The following DTNA variants were observed in gnomAD, a reference collection of about 807,000 sequenced individuals.
DTNA encodes the protein dystrobrevin alpha.
A neutral mutation model predicts 100.7 loss-of-function variants in DTNA; 43 were observed. The observed-to-expected ratio is 0.43, with a 90% CI of 0.33 to 0.55. The LOEUF (loss-of-function observed/expected upper bound fraction) is 0.55. Ranked by LOEUF, DTNA falls within the 20% of genes least tolerant of loss-of-function variation. The probability of loss-of-function intolerance (pLI) is 0.04; values close to 1 mark genes in which losing one functional copy is unlikely to be tolerated. For synonymous variants in DTNA, 349 were observed against 347.9 expected, an observed-to-expected ratio of 1.00 and a Z score of -0.04; for missense variants, 798 against 953.9, an observed-to-expected ratio of 0.84 and a Z score of 2.15.
chr18:34,872,930 A>G (rs938600835), intron 17 of DTNA, among the ~76,000 whole-genome samples: 1 of 152,212 alleles, frequency 6.6e-6, no homozygotes, highest in African/African-American at 2.4e-5. Context: ...CTGGGGATCA[A>G]TTTTATCTCT....
At chr18:34,827,361 C>T (rs1189656589) in intron 9 of DTNA, among the ~76,000 whole-genome samples, 1 of 152,150 alleles carries the variant, frequency 6.6e-6, no homozygotes, top group Non-Finnish European at 1.5e-5. Context: ...TCAGTATTCA[C>T]ATGGTGTCTG....
intron 17 of DTNA, among the ~76,000 whole-genome samples, chr18:34,869,749 C>T (rs917757782): frequency 3.3e-5 from 5 of 152,182 alleles, no homozygotes; most frequent in East Asian, 1.9e-4. Context: ...AGGCCGTGCA[C>T]GGTGGCTCAC....
intron 1 of DTNA, chr18:34,593,588 A>G (rs1246250498): frequency 6.6e-6 from 1 of 152,198 alleles, no homozygotes; most frequent in Non-Finnish European, 1.5e-5. Context: ...TGGGATGCTT[A>G]ATATTGAATT....
At position 34,785,690 on chromosome 18, in the gene DTNA, A is replaced by G. The variant is rs144543676; in HGVS notation, c.149-8347A>G. On this transcript the variant is annotated intron_variant, in intron 3 of 22. Transcript: ENST00000444659. ...AATCCCATTGTATACCTCTGAATATATACAATTTTTATATGCCAATTGAAT... is the reference window on the plus strand; with the variant it reads ...AATCCCATTGTATACCTCTGAATATGTACAATTTTTATATGCCAATTGAAT... Among the ~76,000 whole-genome samples, 97 of 152,306 alleles carry G rather than the reference A, an allele frequency of 6.4e-4. No homozygotes were observed. The East Asian group carries it at 0.017, about 26-fold the overall frequency.
chr18:34,686,778 T>C (rs755648255), intron 1 of DTNA, among the ~76,000 whole-genome samples: 9 of 151,976 alleles, frequency 5.9e-5, no homozygotes, highest in Non-Finnish European at 8.8e-5. Context: ...TGGGTTTCTG[T>C]TGGTGGTGGT....
At chr18:34,628,345 T>TA (rs2057621343) in intron 1 of DTNA, among the ~76,000 whole-genome samples, 2 of 152,238 alleles carry the variant, frequency 1.3e-5, no homozygotes, top group African/African-American at 4.8e-5. Flanking sequence ...AATTATTTGG[T>TA]AAAGGATTCA....
At chr18:34,801,684 G>T (rs138856611) in intron 4 of DTNA, among the ~76,000 whole-genome samples, 12,432 of 151,564 alleles carry the variant, frequency 0.082, 583 homozygotes, top group African/African-American at 0.13. Context: ...CTAATTTTTT[G>T]TATTTTAGTA....
At chr18:34,563,967 ATG>A (rs35340390) in intron 1 of DTNA, among the ~76,000 whole-genome samples, 15,327 of 150,710 alleles carry the variant, frequency 0.1, 1,126 homozygotes, top group African/African-American at 0.2. Context: ...TTGCTTTCGT[ATG>A]TGTGTGTGTG....
intron 3 of DTNA, among the ~76,000 whole-genome samples, chr18:34,790,567 A>ATTTTTT (rs1212453384): frequency 5.0e-5 from 2 of 39,660 alleles, no homozygotes; most frequent in African/African-American, 9.1e-5. Context: ...ATATATATAT[A>ATTTTTT]TTTTTTTTTT....
chr18:34,880,379 C>G (rs2096860695), intron 20 of DTNA, among the ~76,000 whole-genome samples: 1 of 151,976 alleles, frequency 6.6e-6, no homozygotes, highest in Non-Finnish European at 1.5e-5. Context: ...AGCTGAGAAA[C>G]AAAGGCAAAG....
intron 1 of DTNA, among the ~76,000 whole-genome samples, chr18:34,498,903 T>G (rs1238223007): frequency 6.6e-6 from 1 of 152,254 alleles, no homozygotes; most frequent in Non-Finnish European, 1.5e-5. Context: ...CAATCAATAC[T>G]TTTAATTAAA....
At chr18:34,724,345 T>C (rs1278335433) in intron 1 of DTNA, among the ~76,000 whole-genome samples, 1 of 152,248 alleles carries the variant, frequency 6.6e-6, no homozygotes, top group African/African-American at 2.4e-5. Flanking sequence ...AAAAATCCTA[T>C]GCAGCTACTA....
At chr18:34,761,281 A>T (rs2093151368) in intron 2 of DTNA, among the ~76,000 whole-genome samples, 1 of 152,208 alleles carries the variant, frequency 6.6e-6, no homozygotes, top group African/African-American at 2.4e-5. Context: ...GATATTTAAG[A>T]ATCAAAATGG....
intron 1 of DTNA, among the ~76,000 whole-genome samples, chr18:34,591,521 C>T (rs1000317293): frequency 6.6e-5 from 10 of 152,214 alleles, no homozygotes; most frequent in Non-Finnish European, 1.0e-4. Flanking sequence ...GATGGCCGCA[C>T]GTCTGTCCAC....
intron 1 of DTNA, among the ~76,000 whole-genome samples, chr18:34,753,373 T>TTATTTTA (rs2092514494): frequency 1.1e-5 from 1 of 93,302 alleles, no homozygotes; most frequent in African/African-American, 6.2e-5. Context: ...TTTATTTTTT[T>TTATTTTA]TTTTTTTTTA....
At chr18:34,851,158 C>T (rs2096470886) in intron 14 of DTNA, among the ~76,000 whole-genome samples, 1 of 152,150 alleles carries the variant, frequency 6.6e-6, no homozygotes, top group Non-Finnish European at 1.5e-5. Context: ...GGCTGGAATG[C>T]AGTGGCATGA....
chr18:34,828,049 T>G (rs2095901898), intron 10 of DTNA, among the ~76,000 whole-genome samples: 1 of 152,176 alleles, frequency 6.6e-6, no homozygotes, highest in Non-Finnish European at 1.5e-5. Context: ...ACTATATAAA[T>G]GGTGAAATGT....
At chr18:34,868,176 A>C in intron 17 of DTNA, 2 of 411,832 alleles carry the variant, frequency 4.9e-6, no homozygotes, top group Non-Finnish European at 6.5e-6. Context: ...AAAAAGGAAA[A>C]TTATCGGTGG....
intron 1 of DTNA, among the ~76,000 whole-genome samples, chr18:34,656,538 A>G (rs1355975690): frequency 6.6e-6 from 1 of 152,094 alleles, no homozygotes; most frequent in Non-Finnish European, 1.5e-5. Flanking sequence ...GCAGTCCCCA[A>G]ATGCTTTTTA....
Sources: gnomAD v4.1 joint callset for allele counts (sites outside exome capture counted in the v4.1 genomes callset) on GRCh38, gnomAD v4.1.1 for gene constraint, MANE v1.5 for transcripts, NCBI Gene and HGNC (gene_info 2026-07-23, HGNC 2026-07-21) for gene names.